The following SLC12A2 variants were observed in gnomAD, a reference collection of about 807,000 sequenced individuals.
The protein encoded by SLC12A2 is solute carrier family 12 member 2.
In SLC12A2, 67 loss-of-function variants were observed where a neutral mutation model predicts 136.3. The observed-to-expected ratio is 0.49, with a 90% CI of 0.40 to 0.60. The LOEUF (loss-of-function observed/expected upper bound fraction) is 0.60. Ranked by LOEUF, SLC12A2 falls within the 20% of genes least tolerant of loss-of-function variation. The pLI is 0.00. For synonymous variants in SLC12A2, 619 were observed against 562.9 expected (o/e 1.10, Z -1.41); for missense variants, 1,322 against 1,534.7 (o/e 0.86, Z 2.32).
intron 4 of SLC12A2, among the ~76,000 whole-genome samples, chr5:128,123,085 C>T (rs561016588): frequency 3.9e-4 from 59 of 152,066 alleles, no homozygotes; most frequent in African/African-American, 1.3e-3. Context: ...TTCAGTTTTG[C>T]CAGTTTATGC....
intron 17 of SLC12A2, among the ~76,000 whole-genome samples, chr5:128,164,886 C>G (rs1182273162): frequency 7.1e-6 from 1 of 140,782 alleles, no homozygotes; most frequent in Non-Finnish European, 1.5e-5. Flanking sequence ...CTCACTCTGT[C>G]TCCCAGGTTG....
chr5:128,155,267 C>G (rs995585708), intron 15 of SLC12A2, among the ~76,000 whole-genome samples: 7 of 148,766 alleles, frequency 4.7e-5, no homozygotes, highest in African/African-American at 1.8e-4. Context: ...TATTCTGAAA[C>G]AATGGAAAAC....
At chr5:128,086,989 C>T (rs1302567969) in intron 1 of SLC12A2, among the ~76,000 whole-genome samples, 1 of 152,182 alleles carries the variant, frequency 6.6e-6, no homozygotes, top group East Asian at 1.9e-4. Flanking sequence ...CTACTAAGTG[C>T]ATAATTATCT....
intron 4 of SLC12A2, among the ~76,000 whole-genome samples, chr5:128,130,541 G>T (rs560365316): frequency 6.7e-6 from 1 of 149,346 alleles, no homozygotes; most frequent in South Asian, 2.1e-4. Context: ...AAAAAGTCCG[G>T]TGTGGTGGCA....
Position 128,102,498 on chromosome 5 carries a change from A to T in SLC12A2, c.757-10316A>T, listed in dbSNP as rs112919264. On this transcript the variant is annotated intron_variant, in intron 1 of 26. Transcript: ENST00000262461. ...CTGCTTTAAAAATGTATGTAAATGG[A>T]ATCGTATAGCATATTTTCAATCTGA... is the stretch of plus-strand genomic sequence containing the variant. Among the ~76,000 whole-genome samples the T allele has an allele frequency of 1.5e-3, 227 of 147,952 alleles. 1 individual carries two copies. The highest frequency in any genetic ancestry group is 5.4e-3 in the African/African-American group (219 of 40,194).
intron 2 of SLC12A2, among the ~76,000 whole-genome samples, 153 bp from the exon 3 acceptor site, chr5:128,114,059 T>C (rs1466327273): frequency 1.3e-5 from 2 of 152,214 alleles, no homozygotes; most frequent in Non-Finnish European, 2.9e-5. Flanking sequence ...TTATAAAAAC[T>C]GTTAAAGAAA....
At chr5:128,128,518 G>T (rs574713415) in intron 4 of SLC12A2, among the ~76,000 whole-genome samples, 1 of 151,784 alleles carries the variant, frequency 6.6e-6, no homozygotes, top group African/African-American at 2.4e-5. Context: ...CATTTTTAGC[G>T]ATAACAGAAA....
intron 4 of SLC12A2, among the ~76,000 whole-genome samples, chr5:128,125,326 G>T (rs1399308111): frequency 1.3e-5 from 2 of 152,132 alleles, no homozygotes; most frequent in African/African-American, 4.8e-5. Context: ...ATTCTATGAG[G>T]CCACACCTAC....
At chr5:128,165,597 C>T (rs1167039489) in intron 17 of SLC12A2, among the ~76,000 whole-genome samples, 2 of 152,070 alleles carry the variant, frequency 1.3e-5, no homozygotes, top group East Asian at 1.9e-4. Flanking sequence ...TATTTGGACA[C>T]TGAAAACATA....
At chr5:128,098,265 T>A (rs1760615704) in intron 1 of SLC12A2, among the ~76,000 whole-genome samples, 1 of 152,152 alleles carries the variant, frequency 6.6e-6, no homozygotes, top group Non-Finnish European at 1.5e-5. Context: ...TTTCAAAATT[T>A]TTTTCATGAA....
intron 15 of SLC12A2, among the ~76,000 whole-genome samples, chr5:128,157,150 C>T (rs759542042): frequency 2.6e-5 from 4 of 152,192 alleles, no homozygotes; most frequent in South Asian, 4.2e-4. Context: ...ACGTTTAAGT[C>T]GGAAATTGTA....
At position 128,084,514 on chromosome 5, in the gene SLC12A2, CCGG is replaced by C. The variant is rs751759733; in HGVS notation, c.574_576del (p.Gly192del). On this transcript the variant is annotated inframe_deletion, in exon 1 of 27. Coordinates refer to ENST00000262461, the MANE Select transcript of SLC12A2 (RefSeq NM_001046.3). This position sits in a 1 kb window ranked among gnomAD's most constrained non-coding sequence, Gnocchi z 5.6. ...CTGAGCGAGGGCAGCAGCCTGCACT[CCGG>C]CGGCGGCGGCGGCAGTGGGCACCAC... 4.4e-6 allele frequency: 7 copies of C among 1,606,068 alleles called. No homozygotes were observed. The highest frequency in any genetic ancestry group is 1.1e-5 in the South Asian group (1 of 90,692).
In SLC12A2 at chr5:128,114,660, A is replaced by G. The variant is rs1293207375; in HGVS notation, c.1027A>G (p.Thr343Ala). 6.2e-7 allele frequency: 1 copy of G among 1,608,410 alleles called. No homozygotes were observed. Among genetic ancestry groups the G allele is most frequent in the African/African-American group, 1.3e-5 (1 of 74,922 alleles). The part of the protein sequence containing the change: ...ITGLSTSAIA[T>A]NGFVRGGGAY... ...AGGATTGTCTACTTCAGCAATAGCA[A>G]CTAATGGATTTGTAAGAGGAGGTAA... Residue 343 changes from threonine (T) to alanine (A), a missense_variant, in exon 4 of 27, where the codon ACT becomes GCT. Around this residue, in one of 8 missense-constraint regions of SLC12A2, gnomAD observed 71 missense variants for 131.0 expected, o/e 0.54. Transcript: ENST00000262461.
chr5:128,109,634 A>G (rs1310797707), intron 1 of SLC12A2: 7 of 787,536 alleles, frequency 8.9e-6, no homozygotes, highest in African/African-American at 5.1e-5. Context: ...GTATTTCTAT[A>G]TTCAGACAGT....
At position 128,151,281 on chromosome 5, in the gene SLC12A2, A is replaced by G; in HGVS notation, c.2148A>G (p.Ser716=). 1.2e-6 allele frequency: 2 copies of G among 1,610,026 alleles called. No homozygotes were observed. The highest frequency in any genetic ancestry group is 1.7e-6 in the Non-Finnish European group (2 of 1,178,694). The change falls in exon 14 of 27, where the codon TCA becomes TCG. Residue 716 remains serine, a synonymous_variant. Coordinates refer to ENST00000262461, the MANE Select transcript of SLC12A2 (RefSeq NM_001046.3). ...PAFKYYNMWI[S]LLGAILCCIV... The stretch of plus-strand genomic sequence containing the variant: ...TCAAATACTACAACATGTGGATATC[A>G]CTTCTTGGAGCAATTCTTTGTTGCA...
intron 4 of SLC12A2, among the ~76,000 whole-genome samples, chr5:128,122,527 C>T (rs1761620893): frequency 6.6e-6 from 1 of 151,958 alleles, no homozygotes; most frequent in Non-Finnish European, 1.5e-5. Flanking sequence ...TCAATTATAC[C>T]CATTTTTTAA....
intron 4 of SLC12A2, among the ~76,000 whole-genome samples, chr5:128,122,898 A>G (rs981675922): frequency 3.3e-5 from 5 of 152,054 alleles, no homozygotes; most frequent in Non-Finnish European, 7.4e-5. Context: ...TTTCAGATCA[A>G]TGAAATGTTT....
Position 128,158,177 on chromosome 5 carries a change from T to A in SLC12A2, c.2475+13T>A, listed in dbSNP as rs1762922710. On this transcript the variant is annotated intron_variant, in intron 16 of 26. Coordinates refer to ENST00000262461, the MANE Select transcript of SLC12A2 (RefSeq NM_001046.3). The stretch of plus-strand genomic sequence containing the variant: ...CCATGTACATATGGTAAGTATCAAT[T>A]TTGTTTTCTTTTTCAAGTTTTTTTT... 1 of 1,581,856 alleles carries A rather than the reference T, an allele frequency of 6.3e-7. No individual in the cohort carries two copies. Among genetic ancestry groups the A allele is most frequent in the African/African-American group, 1.4e-5 (1 of 72,960 alleles).
At position 128,084,175 on chromosome 5, in the gene SLC12A2, C is replaced by A; in HGVS notation, c.221C>A (p.Pro74His). The change falls in exon 1 of 27, where the codon CCC becomes CAC. Residue 74 changes from proline to histidine, a missense_variant. Pro to His is a moderately conservative substitution (Grantham distance 77). This residue lies in a region of SLC12A2 where 358 missense variants were observed against 299.7 expected (regional missense o/e 1.19). Transcript: ENST00000262461. The surrounding 1 kb of genome is among the most constrained non-coding windows in gnomAD (Gnocchi z 5.6). ...GACGGGCTGGGCAGACCCTTGGGGC[C>A]CACCCCGAGCCAGAGCCGTTTCCAG... is the stretch of plus-strand genomic sequence containing the variant. ...AGDGLGRPLG[P>H]TPSQSRFQVD... 7.7e-7 allele frequency: 1 copy of A among 1,293,552 alleles called. No individual in the cohort carries two copies. The highest frequency in any genetic ancestry group is 9.7e-7 in the Non-Finnish European group (1 of 1,028,972). The allele number at this position is 1,293,552 out of a possible 1,614,324, so 80.1% of individuals were successfully genotyped here.
Sources: gnomAD v4.1 joint callset for allele counts (sites outside exome capture counted in the v4.1 genomes callset) on GRCh38, gnomAD v4.1.1 for gene constraint, gnomAD v4.1.1 regional missense constraint, Gnocchi (gnomAD v3.1) non-coding constraint, MANE v1.5 for transcripts, NCBI Gene and HGNC (gene_info 2026-07-23, HGNC 2026-07-21) for gene names.